PDHX: variants seen among roughly 807,000 people sequenced by gnomAD.
PDHX encodes pyruvate dehydrogenase protein X component, mitochondrial.
In PDHX, 33 loss-of-function variants were observed where a neutral mutation model predicts 55.3. The observed-to-expected ratio is 0.60, with a 90% CI of 0.45 to 0.80. The LOEUF (loss-of-function observed/expected upper bound fraction) is 0.80, where lower values mean the gene tolerates loss of function less well. Among genes scored for constraint, PDHX ranks in the 30% least tolerant of loss-of-function variants. The probability of loss-of-function intolerance (pLI) is 0.00; values close to 1 mark genes in which losing one functional copy is unlikely to be tolerated. For missense variants in PDHX, 622 were observed against 619.9 expected, an observed-to-expected ratio of 1.00 and a Z score of -0.04; for synonymous variants, 226 against 219.4, an observed-to-expected ratio of 1.03 and a Z score of -0.27.
At chr11:34,951,993 A>C (rs918334546) in intron 3 of PDHX, among the ~76,000 whole-genome samples, 2 of 152,100 alleles carry the variant, frequency 1.3e-5, no homozygotes, top group African/African-American at 4.8e-5. Flanking sequence ...GGTTTGTCAA[A>C]GATCAAATAG....
At chr11:34,983,158 A>G (rs1449825947) in intron 8 of PDHX, among the ~76,000 whole-genome samples, 3 of 152,158 alleles carry the variant, frequency 2.0e-5, no homozygotes. Context: ...TGTAAACAGA[A>G]CCAAAGACAA....
intron 1 of PDHX, among the ~76,000 whole-genome samples, chr11:34,929,146 T>C (rs926869021): frequency 1.5e-5 from 1 of 65,006 alleles, no homozygotes; most frequent in African/African-American, 6.6e-5. Context: ...TTGTGGCTAT[T>C]TTTCCTCCTG....
intron 5 of PDHX, among the ~76,000 whole-genome samples, chr11:34,961,778 G>C (rs1263116556): frequency 6.6e-6 from 1 of 151,528 alleles, no homozygotes; most frequent in African/African-American, 2.4e-5. Context: ...TGTGAAGTTC[G>C]TGCCACACTG....
chr11:34,970,985 T>C (rs1430110876), intron 7 of PDHX, among the ~76,000 whole-genome samples: 2 of 152,194 alleles, frequency 1.3e-5, no homozygotes, highest in Admixed American at 1.3e-4. Context: ...AACACATGAA[T>C]GAGTTGTGTA....
intron 8 of PDHX, among the ~76,000 whole-genome samples, chr11:34,980,592 A>G (rs1428487205): frequency 6.6e-6 from 1 of 152,076 alleles, no homozygotes; most frequent in African/African-American, 2.4e-5. Context: ...GAAGAATTTC[A>G]AATCTTCTGA....
upstream of PDHX, chr11:34,916,440 G>A (rs1161648288): frequency 2.0e-6 from 3 of 1,473,170 alleles, no homozygotes; most frequent in Non-Finnish European, 2.7e-6. Context: ...GGTCTGGTAA[G>A]GCCCCGCCGG....
intron 6 of PDHX, among the ~76,000 whole-genome samples, chr11:34,967,665 A>G (rs1855166028): frequency 6.6e-6 from 1 of 152,150 alleles, no homozygotes; most frequent in Non-Finnish European, 1.5e-5. Flanking sequence ...TATCAGAAGA[A>G]ATGTAGGATA....
chr11:34,983,503 A>C (rs1243849731), intron 8 of PDHX, among the ~76,000 whole-genome samples: 2 of 152,234 alleles, frequency 1.3e-5, no homozygotes, highest in South Asian at 2.1e-4. Context: ...TGCAGATGAC[A>C]TGATTGTATA....
chr11:34,960,686 A>G lies in PDHX; in HGVS notation c.641+168A>G, dbSNP rs2732555. Among the ~76,000 whole-genome samples, 91,097 of 151,550 alleles carry G rather than the reference A, an allele frequency of 0.6. 28,840 individuals carry two copies. Among genetic ancestry groups the G allele is most frequent in the East Asian group, 0.75 (3,876 of 5,168 alleles). ...CATTGTAAATTGTATTCTATGCAAG[A>G]GTTGTTTTCTGAATAATTATAGCAT... On this transcript the variant is annotated intron_variant, in intron 5 of 10. Coordinates refer to ENST00000227868, the MANE Select transcript of PDHX (RefSeq NM_003477.3).
intron 2 of PDHX, among the ~76,000 whole-genome samples, chr11:34,945,583 A>C (rs1854601994): frequency 6.6e-6 from 1 of 152,178 alleles, no homozygotes; most frequent in South Asian, 2.1e-4. Context: ...GCTGCTGAGA[A>C]GTGTACTCTC....
At chr11:34,950,438 A>T (rs1056462957) in intron 3 of PDHX, among the ~76,000 whole-genome samples, 5 of 150,534 alleles carry the variant, frequency 3.3e-5, no homozygotes, top group African/African-American at 1.2e-4. Flanking sequence ...GGTTAGTTAC[A>T]TATGTATACA....
intron 7 of PDHX, among the ~76,000 whole-genome samples, chr11:34,971,921 TAA>T (rs1479773542): frequency 6.6e-6 from 1 of 152,114 alleles, no homozygotes; most frequent in African/African-American, 2.4e-5. Flanking sequence ...AATTTTATTT[TAA>T]AAATGGGTGC....
chr11:34,975,413 AT>A (rs1013827881), intron 7 of PDHX, among the ~76,000 whole-genome samples: 1 of 151,298 alleles, frequency 6.6e-6, no homozygotes, highest in South Asian at 2.1e-4. Context: ...TAAATGCTCT[AT>A]TTTTTTTGTT....
chr11:34,919,574 A>G (rs1853825340), intron 1 of PDHX, among the ~76,000 whole-genome samples: 1 of 152,212 alleles, frequency 6.6e-6, no homozygotes, highest in Non-Finnish European at 1.5e-5. Context: ...CATCATCTGC[A>G]TTTAGTTGGA....
Position 34,992,907 on chromosome 11 carries a change from G to A in PDHX, c.1247+528G>A, listed in dbSNP as rs200808067. Among the ~76,000 whole-genome samples the A allele has an allele frequency of 4.2e-3, 642 of 152,198 alleles. 4 individuals are homozygous for A. The highest frequency in any genetic ancestry group is 0.015 in the African/African-American group (610 of 41,520). On this transcript the variant is annotated intron_variant, in intron 10 of 10. Transcript: ENST00000227868. ...AATTCCTAAGTTAGAAGCTTTAGCA[G>A]CTACTACCAAACAATTTTCCAAATG...
chr11:34,923,940 T>G (rs1178289529), intron 1 of PDHX, among the ~76,000 whole-genome samples: 2 of 152,188 alleles, frequency 1.3e-5, no homozygotes, highest in African/African-American at 4.8e-5. Context: ...AGAATTAGTG[T>G]ACTTTAGTCA....
At position 34,960,500 on chromosome 11, in the gene PDHX, G is replaced by A. The variant is rs367620723; in HGVS notation, c.623G>A (p.Arg208Gln). Residue 208 changes from arginine (R) to glutamine (Q), a missense_variant, in exon 5 of 11, where the codon CGG becomes CAG. Transcript: ENST00000227868. ...AGCCAGGGCACAGCCACTGGCCCTC[G>A]GGGGATATTCACTAAAGAGTATGTG... ...DASQGTATGP[R>Q]GIFTKEDALK... 9.1e-5 allele frequency: 146 copies of A among 1,602,048 alleles called. No homozygotes were observed. The highest frequency in any genetic ancestry group is 1.7e-4 in the Admixed American group (10 of 59,960).
intron 2 of PDHX, among the ~76,000 whole-genome samples, chr11:34,944,332 C>T (rs1854571146): frequency 6.6e-6 from 1 of 151,952 alleles, no homozygotes; most frequent in Admixed American, 6.6e-5. Flanking sequence ...GTTGGCCAGG[C>T]TGGTCTTGAA....
intron 9 of PDHX, among the ~76,000 whole-genome samples, chr11:34,986,058 A>G (rs1185728967): frequency 6.6e-6 from 1 of 152,188 alleles, no homozygotes; most frequent in Non-Finnish European, 1.5e-5. Flanking sequence ...TAATCCCAAC[A>G]CTTTGGGAGG....
Sources: gnomAD v4.1 joint callset for allele counts (sites outside exome capture counted in the v4.1 genomes callset) on GRCh38, gnomAD v4.1.1 for gene constraint, MANE v1.5 for transcripts, NCBI Gene and HGNC (gene_info 2026-07-23, HGNC 2026-07-21) for gene names.